The following SOD2 variants were observed in gnomAD, a reference collection of about 807,000 sequenced individuals.
SOD2 encodes superoxide dismutase [Mn], mitochondrial.
In SOD2, 11 loss-of-function variants were observed where a neutral mutation model predicts 27.0. The observed-to-expected ratio is 0.41, with a 90% confidence interval of 0.26 to 0.67. The LOEUF (loss-of-function observed/expected upper bound fraction) is 0.67, where lower values mean the gene tolerates loss of function less well. SOD2 is among the 30% of genes least tolerant of loss of function. The probability of loss-of-function intolerance (pLI) is 0.34; values close to 1 mark genes in which losing one functional copy is unlikely to be tolerated. For missense variants in SOD2, 250 were observed against 274.5 expected, an observed-to-expected ratio of 0.91 and a Z score of 0.63; for synonymous variants, 105 against 103.0, an observed-to-expected ratio of 1.02 and a Z score of -0.12.
rs545106210 is a variant in SOD2, at chr6:159,679,042, T to C, written c.*3451A>G. ...CCCATTATTTACTATTCCTTTCCCA[T>C]GGAAACTCAGTGAAAATGACAGAAG... On this transcript the variant is annotated 3_prime_UTR_variant, in exon 5 of 5. Coordinates refer to ENST00000538183, the MANE Select transcript of SOD2 (RefSeq NM_000636.4). 2 of 152,354 alleles carry C rather than the reference T, an allele frequency of 1.3e-5. No homozygotes were observed. The highest frequency in any genetic ancestry group is 1.9e-4 in the East Asian group (1 of 5,196). 9.4% of individuals were successfully genotyped at this position (152,354 alleles called of 1,614,324 possible).
chr6:159,753,279 G>A (rs1465755674), intron 1 of SOD2: 1 of 883,498 alleles, frequency 1.1e-6, no homozygotes, highest in Non-Finnish European at 1.7e-6. Context: ...TTACTGCTGT[G>A]TTGGCAAAAT....
upstream of SOD2, chr6:159,727,565 C>T (rs1778266402): frequency 3.0e-6 from 3 of 988,244 alleles, no homozygotes; most frequent in Non-Finnish European, 3.6e-6. Context: ...GCAGGGGTTG[C>T]GGCGGGACTA....
Position 159,669,370 on chromosome 6 carries a change from T to G in SOD2, c.*13123A>C, listed in dbSNP as rs961902235. 6.6e-6 allele frequency: 1 copy of G among 152,366 alleles called. No homozygotes were observed. Among genetic ancestry groups the G allele is most frequent in the South Asian group, 2.1e-4 (1 of 4,830 alleles). The allele number at this position is 152,366 out of a possible 1,614,324, so 9.4% of individuals were successfully genotyped here. On this transcript the variant is annotated 3_prime_UTR_variant, in exon 5 of 5. Coordinates refer to ENST00000538183, the MANE Select transcript of SOD2 (RefSeq NM_000636.4). Reference sequence around the variant, plus strand: ...TTAAATCCAATATTTATTGGTTTTATGTCTAGAAAATCTGTCCAATGCTGA... The same window carrying G: ...TTAAATCCAATATTTATTGGTTTTAGGTCTAGAAAATCTGTCCAATGCTGA...
chr6:159,754,690 A>G (rs191175375), intron 1 of SOD2, among the ~76,000 whole-genome samples: 15 of 152,316 alleles, frequency 9.8e-5, no homozygotes, highest in African/African-American at 3.6e-4. Context: ...TAGTTATTTT[A>G]CTGTATTGTT....
chr6:159,729,819 C>G (rs1327078696), upstream of SOD2, among the ~76,000 whole-genome samples: 1 of 152,186 alleles, frequency 6.6e-6, no homozygotes, highest in African/African-American at 2.4e-5. Flanking sequence ...GGTACCGTGT[C>G]TTCTTACTGA....
In SOD2 at chr6:159,717,507, C is replaced by T. The variant is rs61570942; in HGVS notation, c.-116+9622G>A. On this transcript the variant is annotated intron_variant, in intron 1 of 2. Coordinates refer to the SOD2 transcript ENST00000401980. ...ATACATGTATACAATGTGTAGTGATCAAATCAGGGTAATTGGCACATCTAT... is the reference window on the plus strand; with the variant it reads ...ATACATGTATACAATGTGTAGTGATTAAATCAGGGTAATTGGCACATCTAT... 1.0e-2 allele frequency among the ~76,000 whole-genome samples: 1,516 copies of T among 152,262 alleles called. 22 individuals carry two copies. The highest frequency in any genetic ancestry group is 0.034 in the Middle Eastern group (10 of 294).
intron 1 of SOD2, among the ~76,000 whole-genome samples, chr6:159,703,272 C>A (rs998827899): frequency 1.3e-5 from 2 of 152,164 alleles, no homozygotes; most frequent in African/African-American, 2.4e-5. Flanking sequence ...CAAGATTGCG[C>A]CATTGCACTC....
Position 159,674,956 on chromosome 6 carries a change from G to A in SOD2, c.*7537C>T, listed in dbSNP as rs1298350332. 6.6e-6 allele frequency: 1 copy of A among 152,082 alleles called. No individual in the cohort carries two copies. Among genetic ancestry groups the A allele is most frequent in the Non-Finnish European group, 1.5e-5 (1 of 68,034 alleles). The allele number at this position is 152,082 out of a possible 1,614,324, so 9.4% of individuals were successfully genotyped here. ...CAAGCATTCTTATACACCAACAACA[G>A]ACAAACAGAGAGCCAAATCATGAGT... On this transcript the variant is annotated 3_prime_UTR_variant, in exon 5 of 5. Coordinates refer to ENST00000538183, the MANE Select transcript of SOD2 (RefSeq NM_000636.4).
chr6:159,739,780 C>T (rs1034088434), intron 1 of SOD2, among the ~76,000 whole-genome samples: 1 of 142,886 alleles, frequency 7.0e-6, no homozygotes, highest in Admixed American at 7.0e-5. Flanking sequence ...CAATTTCCTA[C>T]TTTCACCTTT....
chr6:159,721,390 C>T (rs1474126022), intron 1 of SOD2, among the ~76,000 whole-genome samples: 5 of 144,618 alleles, frequency 3.5e-5, no homozygotes, highest in Non-Finnish European at 7.5e-5. Context: ...ATTTTTGAGA[C>T]GGAGTTTTGC....
intron 1 of SOD2, among the ~76,000 whole-genome samples, chr6:159,742,364 A>G (rs1779310512): frequency 6.6e-6 from 1 of 152,238 alleles, no homozygotes; most frequent in Non-Finnish European, 1.5e-5. Flanking sequence ...ATGTAATGGC[A>G]TGACTTAGCA....
At chr6:159,719,976 G>A (rs549889240) in intron 1 of SOD2, among the ~76,000 whole-genome samples, 2 of 150,774 alleles carry the variant, frequency 1.3e-5, no homozygotes, top group South Asian at 2.1e-4. Context: ...TGCCTGCCTC[G>A]GTCTCCCAAA....
At chr6:159,751,217 A>T (rs1317708451) in intron 1 of SOD2, among the ~76,000 whole-genome samples, 3 of 152,242 alleles carry the variant, frequency 2.0e-5, no homozygotes, top group African/African-American at 7.2e-5. Flanking sequence ...TAAACGTGAT[A>T]TGACTATCTT....
intron 2 of SOD2, among the ~76,000 whole-genome samples, chr6:159,689,507 A>G (rs1780349729): frequency 6.6e-6 from 1 of 152,242 alleles, no homozygotes; most frequent in Admixed American, 6.5e-5. Flanking sequence ...TTAGAAAAAA[A>G]TGGAAATCCT....
At chr6:159,756,620 G>A (rs191171082) in intron 1 of SOD2, among the ~76,000 whole-genome samples, 1 of 50,730 alleles carries the variant, frequency 2.0e-5, no homozygotes, top group African/African-American at 5.7e-5. Context: ...TTTTTTAATT[G>A]AGACAGGGTC....
rs1318284500 is a variant in SOD2 at position 159,712,031 on chromosome 6, G to A, written c.-116+15098C>T. On this transcript the variant is annotated intron_variant, in intron 1 of 2. Transcript: ENST00000401980. ...CACCTCCATAACCACCACTCACACTGCTCAGACCTCCATAACCACCTCCAT... is the reference window on the plus strand; with the variant it reads ...CACCTCCATAACCACCACTCACACTACTCAGACCTCCATAACCACCTCCAT... 2.0e-4 allele frequency among the ~76,000 whole-genome samples: 7 copies of A among 35,314 alleles called. 1 individual carries two copies. The highest frequency in any genetic ancestry group is 4.2e-4 in the Non-Finnish European group (7 of 16,636). The allele number at this position is 35,314 out of a possible 152,430, so 23.2% of individuals were successfully genotyped here.
At chr6:159,761,415 C>T (rs930277839) in exon 1 of SOD2, 3 of 399,036 alleles carry the variant, frequency 7.5e-6, no homozygotes, top group African/African-American at 2.1e-5. Context: ...ACGCTCCCGG[C>T]GTCCTCACCC....
upstream of SOD2, among the ~76,000 whole-genome samples, chr6:159,728,037 C>A (rs59250477): frequency 1.4e-3 from 218 of 152,322 alleles, 6 homozygotes; most frequent in South Asian, 0.04. Flanking sequence ...GGGGTCGCCC[C>A]CTTCACCTCC....
At chr6:159,697,746 A>G (rs1450065702), upstream of SOD2, among the ~76,000 whole-genome samples, 1 of 152,224 alleles carries the variant, frequency 6.6e-6, no homozygotes, top group Non-Finnish European at 1.5e-5. Flanking sequence ...TGACTTGACC[A>G]AGGTCACACA....
Sources: gnomAD v4.1 joint callset for allele counts (sites outside exome capture counted in the v4.1 genomes callset) on GRCh38, gnomAD v4.1.1 for gene constraint, MANE v1.5 for transcripts, NCBI Gene and HGNC (gene_info 2026-07-23, HGNC 2026-07-21) for gene names.